SCNN1A: variants seen among roughly 807,000 people sequenced by gnomAD.
SCNN1A encodes the protein sodium channel epithelial 1 subunit alpha.
SCNN1A carries 65 observed loss-of-function variants against 68.6 expected under a neutral mutation model. The ratio of observed to expected loss-of-function variants is 0.95; its 90% CI spans 0.78 to 1.16. The LOEUF (loss-of-function observed/expected upper bound fraction) is 1.16, where lower values mean the gene tolerates loss of function less well. Ranked by LOEUF, SCNN1A falls within the 50% of genes most tolerant of loss-of-function variation. The probability of loss-of-function intolerance (pLI) is 0.00; values close to 1 mark genes in which losing one functional copy is unlikely to be tolerated. For missense variants in SCNN1A, 880 were observed against 865.9 expected (o/e 1.02, Z -0.20); for synonymous variants, 357 against 353.3 (o/e 1.01, Z -0.12).
chr12:6,369,169 C>A (rs908241264), intron 2 of SCNN1A, among the ~76,000 whole-genome samples: 3 of 151,990 alleles, frequency 2.0e-5, no homozygotes. Context: ...CTCTCATCAC[C>A]AACTTCAATC....
At position 6,374,131 on chromosome 12, in the gene SCNN1A, C is replaced by T. The variant is rs927348718; in HGVS notation, c.416+237G>A. Among the ~76,000 whole-genome samples, 1 of 152,228 alleles carries T rather than the reference C, an allele frequency of 6.6e-6. No individual in the cohort carries two copies. The highest frequency in any genetic ancestry group is 2.4e-5 in the African/African-American group (1 of 41,450). On this transcript the variant is annotated intron_variant, in intron 2 of 12. Coordinates refer to ENST00000228916, the MANE Select transcript of SCNN1A (RefSeq NM_001038.6). The surrounding 1 kb of genome is among the most constrained non-coding windows in gnomAD (Gnocchi z 6.2). ...GAAGAGAGGGCAGGGGAGGGCAATG[C>T]TGCTCCAACAACCACACTCTGGGTG...
rs1040848077 is a variant in SCNN1A, at chr12:6,372,586, G to A, written c.416+1782C>T. Among the ~76,000 whole-genome samples, 1 of 152,166 alleles carries A rather than the reference G, an allele frequency of 6.6e-6. No individual in the cohort carries two copies. The highest frequency in any genetic ancestry group is 2.4e-5 in the African/African-American group (1 of 41,434). ...CCGCATCCAGCAGAACCTAAGAACT[G>A]TGCAGGCCTCACCCGATTCACCCCT... On this transcript the variant is annotated intron_variant, in intron 2 of 12. Transcript: ENST00000228916. The surrounding 1 kb of genome is among the most constrained non-coding windows in gnomAD (Gnocchi z 5.8).
At chr12:6,377,114 G>A (rs1180335031), upstream of SCNN1A, 3 of 636,868 alleles carry the variant, frequency 4.7e-6, no homozygotes, top group Non-Finnish European at 8.1e-6. Context: ...AGTTTAGCAG[G>A]CAAAGAAGAG....
At chr12:6,375,190 C>T in intron 1 of SCNN1A, 4 of 1,451,134 alleles carry the variant, frequency 2.8e-6, no homozygotes, top group Non-Finnish European at 3.6e-6. Context: ...GTCTCAGCTC[C>T]TGCCTCTCAC....
intron 8 of SCNN1A, among the ~76,000 whole-genome samples, chr12:6,352,452 C>T (rs1948404271): frequency 1.3e-5 from 2 of 152,188 alleles, no homozygotes; most frequent in South Asian, 4.1e-4. Context: ...GGAAATGCAA[C>T]AGACTGTGCT....
intron 2 of SCNN1A, among the ~76,000 whole-genome samples, chr12:6,371,487 TA>T (rs1381700545): frequency 7.0e-6 from 1 of 142,420 alleles, no homozygotes; most frequent in Non-Finnish European, 1.5e-5. Context: ...ACTCAGCTGC[TA>T]ACCTGAGATG....
intron 6 of SCNN1A, among the ~76,000 whole-genome samples, 172 bp from the exon 7 acceptor site, chr12:6,355,020 C>T (rs1948472272): frequency 6.6e-6 from 1 of 152,116 alleles, no homozygotes; most frequent in Non-Finnish European, 1.5e-5. Flanking sequence ...CATTTCAAGG[C>T]CACTAGGCCC....
intron 3 of SCNN1A, 95 bp from the exon 4 acceptor site, chr12:6,362,336 G>C: frequency 2.7e-6 from 3 of 1,100,312 alleles, no homozygotes; most frequent in Admixed American, 3.4e-5. Flanking sequence ...GGGGTTCTGA[G>C]GACTGACGGA....
chr12:6,348,723 C>T lies in SCNN1A; in HGVS notation c.1629+4G>A, dbSNP rs762896811. The stretch of plus-strand genomic sequence containing the variant: ...ATCACAGGCTCCATCCAGGCACGAC[C>T]TACCGTGACAGAGGGAGACTCAGAA... On this transcript the variant is annotated splice_donor_region_variant and intron_variant, in intron 12 of 12. Transcript: ENST00000228916. 20 of 1,612,294 alleles carry T rather than the reference C, an allele frequency of 1.2e-5. No homozygotes were observed. The South Asian group carries it at 2.1e-4, about 17-fold the overall frequency.
intron 2 of SCNN1A, among the ~76,000 whole-genome samples, chr12:6,369,428 C>T (rs1948746022): frequency 6.6e-6 from 1 of 152,090 alleles, no homozygotes. Context: ...GCTCCCAGCC[C>T]TTGATCCCAC....
intron 2 of SCNN1A, among the ~76,000 whole-genome samples, chr12:6,370,614 A>G (rs2136903840): frequency 6.6e-6 from 1 of 152,230 alleles, no homozygotes; most frequent in South Asian, 2.1e-4. Context: ...TCAACTCTCA[A>G]CAGTCCAGGC....
chr12:6,357,003 G>A (rs760702825), intron 4 of SCNN1A, among the ~76,000 whole-genome samples: 5 of 152,158 alleles, frequency 3.3e-5, no homozygotes, highest in African/African-American at 4.8e-5. Flanking sequence ...TAGGTGATCC[G>A]GGATATTCCA....
intron 4 of SCNN1A, among the ~76,000 whole-genome samples, chr12:6,357,567 T>A (rs561097830): frequency 2.8e-5 from 4 of 143,398 alleles, no homozygotes; most frequent in Admixed American, 2.7e-4. Flanking sequence ...AAAAAAAAAA[T>A]AGTAAGAGGT....
chr12:6,365,494 G>A (rs535083324), intron 2 of SCNN1A, among the ~76,000 whole-genome samples: 1 of 152,196 alleles, frequency 6.6e-6, no homozygotes, highest in Non-Finnish European at 1.5e-5. Context: ...GCGGTTCTTG[G>A]TAAGGAGAGA....
chr12:6,374,801 G>A lies in SCNN1A; in HGVS notation c.-18C>T. Reference sequence around the variant, plus strand: ...CCCTCCATGAGACCTGGTATGGGCTGCAGAGGTCTAGGGTCCTGCTCCTCC... The same window carrying A: ...CCCTCCATGAGACCTGGTATGGGCTACAGAGGTCTAGGGTCCTGCTCCTCC... On this transcript the variant is annotated 5_prime_UTR_variant, in exon 2 of 13. Transcript: ENST00000228916. The surrounding 1 kb of genome is among the most constrained non-coding windows in gnomAD (Gnocchi z 6.2). 1 of 1,614,002 alleles carries A rather than the reference G, an allele frequency of 6.2e-7. No homozygotes were observed. Among genetic ancestry groups the A allele is most frequent in the South Asian group, 1.1e-5 (1 of 91,070 alleles).
intron 11 of SCNN1A, 60 bp from the exon 12 acceptor site, chr12:6,348,862 T>C (rs1948315601): frequency 1.2e-6 from 2 of 1,603,420 alleles, no homozygotes; most frequent in East Asian, 4.5e-5. Flanking sequence ...TGGACCTTCC[T>C]CTAATCAACC....
In SCNN1A at chr12:6,374,234, T is replaced by C. The variant is rs1948852347; in HGVS notation, c.416+134A>G. 1.0e-6 allele frequency: 1 copy of C among 996,480 alleles called. No individual in the cohort carries two copies. Among genetic ancestry groups the C allele is most frequent in the African/African-American group, 1.6e-5 (1 of 61,534 alleles). 61.7% of individuals were successfully genotyped at this position (996,480 alleles called of 1,614,324 possible). A position where few individuals can be genotyped will look rare whatever the true frequency, so the allele number is the denominator to read the frequency against. On this transcript the variant is annotated intron_variant, in intron 2 of 12. Coordinates refer to ENST00000228916, the MANE Select transcript of SCNN1A (RefSeq NM_001038.6). This position sits in a 1 kb window ranked among gnomAD's most constrained non-coding sequence, Gnocchi z 6.2. ...TGGAGGCTCCTCATTTTGCCAGCAGTGAGCTCTACCTGGGACAGGGGTGTC... is the reference window on the plus strand; with the variant it reads ...TGGAGGCTCCTCATTTTGCCAGCAGCGAGCTCTACCTGGGACAGGGGTGTC...
upstream of SCNN1A, chr12:6,376,296 G>T: frequency 1.9e-6 from 1 of 523,508 alleles, no homozygotes; most frequent in Non-Finnish European, 2.5e-6. Flanking sequence ...CCCAGGTGAA[G>T]CTGGGGGCTA....
At chr12:6,371,074 C>G (rs1396316273) in intron 2 of SCNN1A, among the ~76,000 whole-genome samples, 1 of 152,164 alleles carries the variant, frequency 6.6e-6, no homozygotes, top group Non-Finnish European at 1.5e-5. Context: ...AGTGCTTTGT[C>G]CCCTTTCCTT....
Sources: gnomAD v4.1 joint callset for allele counts (sites outside exome capture counted in the v4.1 genomes callset) on GRCh38, gnomAD v4.1.1 for gene constraint, Gnocchi (gnomAD v3.1) non-coding constraint, MANE v1.5 for transcripts, NCBI Gene and HGNC (gene_info 2026-07-23, HGNC 2026-07-21) for gene names.